Variants in SGCZ observed in about 807,000 individuals in gnomAD.
SGCZ encodes sarcoglycan zeta, also known as zeta-sarcoglycan.
Under a neutral mutation model 41.3 loss-of-function variants are expected in SGCZ, and 40 were observed. The ratio of observed to expected loss-of-function variants is 0.97; its 90% CI spans 0.75 to 1.26. The LOEUF is 1.26. Among genes scored for constraint, SGCZ ranks in the 50% most tolerant of loss-of-function variants. The pLI, the probability that SGCZ is intolerant of heterozygous loss-of-function variation, is 0.00. For synonymous variants in SGCZ, 206 were observed against 137.5 expected (o/e 1.50, Z -3.49); for missense variants, 552 against 369.8 (o/e 1.49, Z -4.04).
chr8:14,351,923 G>A (rs1803112268), intron 2 of SGCZ, among the ~76,000 whole-genome samples: 1 of 151,994 alleles, frequency 6.6e-6, no homozygotes, highest in Non-Finnish European at 1.5e-5. Flanking sequence ...CGGACACTTT[G>A]TTTAATTTCA....
intron 1 of SGCZ, among the ~76,000 whole-genome samples, chr8:15,175,760 A>G (rs547163296): frequency 6.6e-6 from 1 of 152,196 alleles, no homozygotes; most frequent in African/African-American, 2.4e-5. Flanking sequence ...CAACTTCAAG[A>G]TATAGATAGT....
At position 14,088,912 on chromosome 8, in the gene SGCZ, C is replaced by T. The variant is rs980222619; in HGVS notation, c.*1531G>A. On this transcript the variant is annotated 3_prime_UTR_variant, in exon 8 of 8. Coordinates refer to ENST00000382080, the MANE Select transcript of SGCZ (RefSeq NM_139167.4). Reference sequence around the variant, plus strand: ...CTCCAAAGACTCTACAGCCATTAATCCCCAAAAGGAAGTTTCAACACAAAT... The same window carrying T: ...CTCCAAAGACTCTACAGCCATTAATTCCCAAAAGGAAGTTTCAACACAAAT... 7.9e-5 allele frequency among the ~76,000 whole-genome samples: 12 copies of T among 151,864 alleles called. No individual in the cohort carries two copies. The highest frequency in any genetic ancestry group is 1.0e-4 in the Non-Finnish European group (7 of 67,924).
At chr8:14,673,106 C>G (rs1808156663) in intron 1 of SGCZ, among the ~76,000 whole-genome samples, 1 of 152,194 alleles carries the variant, frequency 6.6e-6, no homozygotes, top group African/African-American at 2.4e-5. Flanking sequence ...TTTTATGTTT[C>G]CATTGTATCA....
At chr8:15,216,150 T>C (rs1290589922) in intron 1 of SGCZ, among the ~76,000 whole-genome samples, 2 of 152,098 alleles carry the variant, frequency 1.3e-5, no homozygotes, top group Non-Finnish European at 2.9e-5. Context: ...GGGATATGGT[T>C]GAAAGCAAAG....
intron 1 of SGCZ, among the ~76,000 whole-genome samples, chr8:15,102,624 G>T (rs958488494): frequency 6.6e-6 from 1 of 152,146 alleles, no homozygotes; most frequent in African/African-American, 2.4e-5. Flanking sequence ...TGGAGGGACA[G>T]CAGGGTATAG....
At chr8:14,631,649 T>A (rs1211977908) in intron 1 of SGCZ, among the ~76,000 whole-genome samples, 2 of 152,094 alleles carry the variant, frequency 1.3e-5, no homozygotes, top group Non-Finnish European at 2.9e-5. Flanking sequence ...GGAGATACTA[T>A]TACAGAATAC....
chr8:15,192,711 A>G (rs1327815502), intron 1 of SGCZ, among the ~76,000 whole-genome samples: 1 of 152,002 alleles, frequency 6.6e-6, no homozygotes, highest in Middle Eastern at 3.2e-3. Flanking sequence ...AAGTTGTACA[A>G]CTCCTAAAAT....
intron 3 of SGCZ, among the ~76,000 whole-genome samples, chr8:14,314,157 A>G (rs1007705210): frequency 7.2e-5 from 11 of 152,220 alleles, no homozygotes; most frequent in Admixed American, 1.3e-4. Context: ...CTGCCCTAAC[A>G]TGCTTTTTTG....
At chr8:15,119,016 A>T (rs1358467349) in intron 1 of SGCZ, among the ~76,000 whole-genome samples, 1 of 152,166 alleles carries the variant, frequency 6.6e-6, no homozygotes, top group African/African-American at 2.4e-5. Context: ...ATTTGAGTAG[A>T]AGGCACGCTT....
At chr8:14,599,883 A>G (rs1035615017) in intron 1 of SGCZ, among the ~76,000 whole-genome samples, 2 of 152,172 alleles carry the variant, frequency 1.3e-5, no homozygotes, top group Non-Finnish European at 2.9e-5. Flanking sequence ...TCTTTACATT[A>G]TCTTCAGTGG....
rs374196777 is a variant in SGCZ, at chr8:14,651,156, C to G, written c.40-96230G>C. ...GTTACTATAATTGATATCATCTTGC[C>G]AATGTTTACATTTAAATATACACTA... is the stretch of plus-strand genomic sequence containing the variant. On this transcript the variant is annotated intron_variant, in intron 1 of 7. Coordinates refer to ENST00000382080, the MANE Select transcript of SGCZ (RefSeq NM_139167.4). Among the ~76,000 whole-genome samples, 17 of 151,870 alleles carry G rather than the reference C, an allele frequency of 1.1e-4. No individual in the cohort carries two copies. In the East Asian group the frequency reaches 1.6e-3, roughly 14 times the overall value.
intron 1 of SGCZ, among the ~76,000 whole-genome samples, chr8:15,003,473 T>A (rs901382890): frequency 1.3e-5 from 2 of 152,168 alleles, no homozygotes; most frequent in Non-Finnish European, 2.9e-5. Context: ...TATAAGGTGA[T>A]TGATAAAAAA....
chr8:14,434,668 G>A (rs1199236879), intron 2 of SGCZ, among the ~76,000 whole-genome samples: 3 of 152,254 alleles, frequency 2.0e-5, no homozygotes, highest in African/African-American at 4.8e-5. Context: ...AGTATTCCTT[G>A]TAGGGGTCTT....
intron 1 of SGCZ, among the ~76,000 whole-genome samples, chr8:14,777,883 G>C (rs1250767592): frequency 7.5e-6 from 1 of 133,174 alleles, no homozygotes; most frequent in Non-Finnish European, 1.6e-5. Flanking sequence ...CTTTTCTTAT[G>C]TTTGAAATTA....
At chr8:14,625,797 C>T (rs1806436062) in intron 1 of SGCZ, among the ~76,000 whole-genome samples, 1 of 152,130 alleles carries the variant, frequency 6.6e-6, no homozygotes, top group Non-Finnish European at 1.5e-5. Context: ...ATTCCGACCC[C>T]ATTAGTGACA....
chr8:14,428,298 T>C (rs1799846946), intron 2 of SGCZ, among the ~76,000 whole-genome samples: 1 of 152,092 alleles, frequency 6.6e-6, no homozygotes, highest in Admixed American at 6.6e-5. Flanking sequence ...CATTTATCTA[T>C]GCATTTTTAT....
At chr8:14,404,992 G>A (rs973298) in intron 2 of SGCZ, among the ~76,000 whole-genome samples, 1 of 152,020 alleles carries the variant, frequency 6.6e-6, no homozygotes, top group Non-Finnish European at 1.5e-5. Context: ...CCTGTCCTTC[G>A]TGATTGCACA....
chr8:14,513,530 T>C (rs1267119642), intron 2 of SGCZ, among the ~76,000 whole-genome samples: 2 of 149,024 alleles, frequency 1.3e-5, no homozygotes, highest in East Asian at 3.9e-4. Context: ...ATTAATAATA[T>C]ACATTAAAAC....
At chr8:14,464,926 T>C (rs982669600) in intron 2 of SGCZ, among the ~76,000 whole-genome samples, 1 of 151,680 alleles carries the variant, frequency 6.6e-6, no homozygotes, top group South Asian at 2.1e-4. Context: ...TTTAATGCCA[T>C]TGTGGTTGGA....
Sources: gnomAD v4.1 joint callset for allele counts (sites outside exome capture counted in the v4.1 genomes callset) on GRCh38, gnomAD v4.1.1 for gene constraint, MANE v1.5 for transcripts, NCBI Gene and HGNC (gene_info 2026-07-23, HGNC 2026-07-21) for gene names.